The following CTNNA3 variants were observed in gnomAD, a reference collection of about 807,000 sequenced individuals.
CTNNA3 encodes the protein catenin alpha 3, also known as catenin alpha-3.
CTNNA3 carries 76 observed loss-of-function variants against 95.7 expected under a neutral mutation model. That is an observed-to-expected ratio of 0.79 (90% CI 0.66 to 0.96). The LOEUF is 0.96. Ranked by LOEUF, CTNNA3 falls within the 40% of genes least tolerant of loss-of-function variation. The pLI is 0.00. For missense variants in CTNNA3, 1,191 were observed against 1,089.8 expected (o/e 1.09, Z -1.31); for synonymous variants, 431 against 374.4 (o/e 1.15, Z -1.74).
At chr10:67,669,736 C>T (rs1198479892) in intron 1 of CTNNA3, among the ~76,000 whole-genome samples, 3 of 152,114 alleles carry the variant, frequency 2.0e-5, no homozygotes, top group Non-Finnish European at 4.4e-5. Flanking sequence ...TTCTGCTTTT[C>T]AAAACCAAAA....
chr10:66,287,593 A>C (rs973323467), intron 12 of CTNNA3, among the ~76,000 whole-genome samples: 1 of 152,088 alleles, frequency 6.6e-6, no homozygotes, highest in African/African-American at 2.4e-5. Context: ...CTACATCTTT[A>C]AGAGAGAAAA....
chr10:66,649,099 G>A (rs1172640326), intron 9 of CTNNA3, among the ~76,000 whole-genome samples: 1 of 152,132 alleles, frequency 6.6e-6, no homozygotes, highest in Non-Finnish European at 1.5e-5. Flanking sequence ...GGCATAATAG[G>A]TGCCAGAAGA....
intron 5 of CTNNA3, among the ~76,000 whole-genome samples, chr10:67,355,989 ACAACTTTAAAGACCAT>A (rs1362982420): frequency 6.6e-6 from 1 of 152,008 alleles, no homozygotes; most frequent in East Asian, 1.9e-4. Context: ...TCATAGCCTT[ACAACTTTAAAGACCAT>A]CAAGAGAAAT....
chr10:67,610,119 G>A (rs1843410964), intron 2 of CTNNA3, among the ~76,000 whole-genome samples: 2 of 152,144 alleles, frequency 1.3e-5, no homozygotes, highest in South Asian at 4.1e-4. Flanking sequence ...TGTTCCCTCG[G>A]AATGTATTTT....
At chr10:66,500,167 C>T (rs1321366080) in intron 11 of CTNNA3, among the ~76,000 whole-genome samples, 1 of 152,090 alleles carries the variant, frequency 6.6e-6, no homozygotes, top group Non-Finnish European at 1.5e-5. Context: ...ACAAAACTCA[C>T]ACATACACTA....
chr10:67,726,198 T>C (rs533242139), intron 1 of CTNNA3, among the ~76,000 whole-genome samples: 1,462 of 106,488 alleles, frequency 0.014, 40 homozygotes, highest in African/African-American at 0.055. Context: ...TAATATATAA[T>C]ATATCATATA....
intron 12 of CTNNA3, among the ~76,000 whole-genome samples, chr10:66,324,274 C>T (rs898048744): frequency 6.6e-6 from 1 of 152,092 alleles, no homozygotes; most frequent in African/African-American, 2.4e-5. Context: ...GAACTGAGAT[C>T]ATGCTACTGT....
intron 5 of CTNNA3, among the ~76,000 whole-genome samples, chr10:67,342,832 G>A (rs957610312): frequency 6.6e-6 from 1 of 152,088 alleles, no homozygotes; most frequent in African/African-American, 2.4e-5. Context: ...ATGCAGTATT[G>A]GTTACTATAG....
At chr10:67,480,880 T>C (rs1401997863) in intron 5 of CTNNA3, among the ~76,000 whole-genome samples, 2 of 152,092 alleles carry the variant, frequency 1.3e-5, no homozygotes, top group Admixed American at 1.3e-4. Context: ...GCAAACTGAA[T>C]CCAGTAGCAC....
intron 9 of CTNNA3, among the ~76,000 whole-genome samples, chr10:66,628,131 A>C (rs1038093843): frequency 6.6e-6 from 1 of 152,172 alleles, no homozygotes; most frequent in African/African-American, 2.4e-5. Context: ...TTTTCCCATC[A>C]AGTTAAATAC....
At chr10:66,826,766 T>A (rs1309224343) in intron 7 of CTNNA3, among the ~76,000 whole-genome samples, 1 of 152,156 alleles carries the variant, frequency 6.6e-6, no homozygotes, top group East Asian at 1.9e-4. Flanking sequence ...GTGATTGCAG[T>A]TTTAGAAAAT....
intron 3 of CTNNA3, among the ~76,000 whole-genome samples, chr10:67,589,505 C>A (rs890456839): frequency 6.6e-6 from 1 of 152,126 alleles, no homozygotes; most frequent in Non-Finnish European, 1.5e-5. Flanking sequence ...TCTCTCCTAA[C>A]AACACCCACT....
At chr10:67,231,801 C>T (rs1365998693) in intron 5 of CTNNA3, among the ~76,000 whole-genome samples, 2 of 152,084 alleles carry the variant, frequency 1.3e-5, no homozygotes, top group African/African-American at 4.8e-5. Context: ...AGAACCAATA[C>T]AGAGAAGTGC....
At chr10:65,977,857 C>G (rs2078237115) in intron 16 of CTNNA3, among the ~76,000 whole-genome samples, 1 of 151,948 alleles carries the variant, frequency 6.6e-6, no homozygotes, top group Admixed American at 6.6e-5. Flanking sequence ...CTACATTTTG[C>G]TAAGCTGGAA....
intron 13 of CTNNA3, among the ~76,000 whole-genome samples, chr10:66,268,221 A>C (rs2091201060): frequency 6.6e-6 from 1 of 151,952 alleles, no homozygotes; most frequent in East Asian, 1.9e-4. Context: ...TGACCTTTAC[A>C]CTCTTTCCAT....
chr10:67,159,292 C>T (rs746243606), intron 7 of CTNNA3, among the ~76,000 whole-genome samples: 18 of 152,128 alleles, frequency 1.2e-4, no homozygotes, highest in South Asian at 2.1e-4. Flanking sequence ...TCGGGGAGCT[C>T]GGATTTTAAG....
intron 3 of CTNNA3, among the ~76,000 whole-genome samples, chr10:67,580,129 T>C (rs1842330424): frequency 6.6e-6 from 1 of 152,146 alleles, no homozygotes; most frequent in East Asian, 1.9e-4. Flanking sequence ...AGTCCTTGCC[T>C]GTGCCTATGT....
At chr10:67,052,718 GGTACATCCTGCCAGCCAACAAGT>G (rs1855185326) in intron 7 of CTNNA3, 1 of 151,898 alleles carries the variant, frequency 6.6e-6, no homozygotes, top group Non-Finnish European at 1.5e-5. Flanking sequence ...TTTACATAAT[GGTACATCCTGCCAGCCAACAAGT>G]TTTACTACAA....
chr10:66,578,167 T>C (rs1843064878), intron 10 of CTNNA3, among the ~76,000 whole-genome samples: 1 of 152,062 alleles, frequency 6.6e-6, no homozygotes, highest in Non-Finnish European at 1.5e-5. Flanking sequence ...TTTTTACTCA[T>C]AGATTTTATA....
Sources: gnomAD v4.1 joint callset for allele counts (sites outside exome capture counted in the v4.1 genomes callset) on GRCh38, gnomAD v4.1.1 for gene constraint, MANE v1.5 for transcripts, NCBI Gene and HGNC (gene_info 2026-07-23, HGNC 2026-07-21) for gene names.